Variants in RACGAP1 observed in about 807,000 individuals in gnomAD.
RACGAP1 encodes rac GTPase-activating protein 1.
A neutral mutation model predicts 78.1 loss-of-function variants in RACGAP1; 30 were observed. That is an observed-to-expected ratio of 0.38 (90% CI 0.29 to 0.52). The LOEUF (loss-of-function observed/expected upper bound fraction) is 0.52. RACGAP1 is among the 20% of genes least tolerant of loss of function. RACGAP1 has a pLI of 0.82. For missense variants in RACGAP1, 587 were observed against 777.1 expected, an observed-to-expected ratio of 0.76 and a Z score of 2.91; for synonymous variants, 231 against 264.8, an observed-to-expected ratio of 0.87 and a Z score of 1.24.
chr12:49,991,599 G>T (rs1947884788), intron 15 of RACGAP1, among the ~76,000 whole-genome samples: 1 of 142,772 alleles, frequency 7.0e-6, no homozygotes, highest in African/African-American at 2.6e-5. Context: ...GCAATTCCTT[G>T]TGCCTCAGCC....
chr12:50,028,377 C>T (rs1950299658), upstream of RACGAP1, among the ~76,000 whole-genome samples: 1 of 152,196 alleles, frequency 6.6e-6, no homozygotes, highest in Non-Finnish European at 1.5e-5. Context: ...CCACTTTTCT[C>T]CTTCCCCCTG....
In RACGAP1 at chr12:49,999,727, C is replaced by T. The variant is rs747929057; in HGVS notation, c.637G>A (p.Glu213Lys). ...SIGSAVDQGNESIVAKTTVTV... is the reference protein window; with the variant it reads ...SIGSAVDQGNKSIVAKTTVTV... Reference sequence around the variant, plus strand: ...ACTGTAGTTTTTGCAACTATGGATTCATTCCCCTGCAACAAAAGTAGTAAT... The same window carrying T: ...ACTGTAGTTTTTGCAACTATGGATTTATTCCCCTGCAACAAAAGTAGTAAT... The change falls in exon 8 of 17, where the codon GAA (glutamate) becomes AAA (lysine). Residue 213 changes from glutamate to lysine, a missense_variant. By Grantham distance (56) the Glu-to-Lys change is moderately conservative. Coordinates refer to ENST00000312377, the MANE Select transcript of RACGAP1 (RefSeq NM_001319999.2). 1.2e-6 allele frequency: 2 copies of T among 1,607,944 alleles called. No individual in the cohort carries two copies. Among genetic ancestry groups the T allele is most frequent in the Non-Finnish European group, 1.7e-6 (2 of 1,174,314 alleles).
exon 2 of RACGAP1, chr12:50,031,731 G>A: frequency 1.0e-6 from 1 of 985,386 alleles, no homozygotes; most frequent in African/African-American, 1.7e-5. Context: ...GCTGATGCCT[G>A]GGTCCGTGCC....
chr12:50,024,116 G>A (rs1592241678), intron 1 of RACGAP1, among the ~76,000 whole-genome samples: 2 of 151,808 alleles, frequency 1.3e-5, no homozygotes, highest in South Asian at 4.2e-4. Context: ...AGCCGAGATC[G>A]CGCCACTGCA....
intron 15 of RACGAP1, 134 bp downstream of exon 15, chr12:49,991,864 T>C: frequency 6.6e-7 from 1 of 1,514,206 alleles, no homozygotes; most frequent in Non-Finnish European, 8.7e-7. Context: ...AAAAAAAAAT[T>C]ACGATGGTAG....
In RACGAP1 at chr12:50,008,578, C is replaced by T. The variant is rs563907797; in HGVS notation, c.86-1942G>A. ...CACAATCTTGGCTCACCGCAACCTC[C>T]GCCTCCCAGGTTCAAGCAACTCTCC... On this transcript the variant is annotated intron_variant, in intron 2 of 16. Coordinates refer to ENST00000312377, the MANE Select transcript of RACGAP1 (RefSeq NM_001319999.2). Among the ~76,000 whole-genome samples, 7 of 152,134 alleles carry T rather than the reference C, an allele frequency of 4.6e-5. 1 individual carries two copies. In the South Asian group the frequency reaches 1.2e-3, roughly 27 times the overall value.
chr12:50,020,326 C>G (rs567015134), intron 1 of RACGAP1, among the ~76,000 whole-genome samples: 3 of 138,712 alleles, frequency 2.2e-5, no homozygotes, highest in African/African-American at 8.0e-5. Context: ...TACAGGTGCC[C>G]ACCACCAGGC....
chr12:49,999,595 T>G, intron 8 of RACGAP1, 21 bp downstream of exon 8: 1 of 1,594,926 alleles, frequency 6.3e-7, no homozygotes, highest in Non-Finnish European at 8.6e-7. Context: ...ACAGGCCAGT[T>G]TAGTCACAAA....
chr12:50,012,176 C>G (rs1290549336), intron 2 of RACGAP1, among the ~76,000 whole-genome samples: 2 of 152,052 alleles, frequency 1.3e-5, no homozygotes, highest in Non-Finnish European at 2.9e-5. Context: ...CCTGTAATCC[C>G]AGCACTTTGG....
intron 1 of RACGAP1, among the ~76,000 whole-genome samples, chr12:50,024,882 G>A (rs1441059436): frequency 2.0e-5 from 3 of 151,932 alleles, no homozygotes; most frequent in Non-Finnish European, 4.4e-5. Context: ...AGAAATGTAC[G>A]TGAAAGTGTA....
At chr12:49,993,862 GGTGAA>G (rs1303605097) in intron 12 of RACGAP1, among the ~76,000 whole-genome samples, 3 of 151,466 alleles carry the variant, frequency 2.0e-5, no homozygotes, top group African/African-American at 7.3e-5. Flanking sequence ...TGGCTAACAT[GGTGAA>G]ACCCCATCTC....
chr12:50,007,582 A>T (rs1310504695), intron 2 of RACGAP1, among the ~76,000 whole-genome samples: 1 of 152,236 alleles, frequency 6.6e-6, no homozygotes, highest in Non-Finnish European at 1.5e-5. Flanking sequence ...ATTCACACAC[A>T]GCTAGCAGAT....
At position 49,990,262 on chromosome 12, in the gene RACGAP1, G is replaced by A. The variant is rs764527191; in HGVS notation, c.*6C>T. ...CAATGCTGGGAAGTAACAGGCAGAT[G>A]TGACTTCACTTGAGCATTGGAGAAG... On this transcript the variant is annotated 3_prime_UTR_variant, in exon 17 of 17. Coordinates refer to ENST00000312377, the MANE Select transcript of RACGAP1 (RefSeq NM_001319999.2). 6.2e-7 allele frequency: 1 copy of A among 1,609,828 alleles called. No homozygotes were observed. Among genetic ancestry groups the A allele is most frequent in the East Asian group, 2.2e-5 (1 of 44,860 alleles).
In RACGAP1 at chr12:50,006,469, G is replaced by C; in HGVS notation, c.253C>G (p.Arg85Gly). The change falls in exon 3 of 17, where the codon CGG becomes GGG. Residue 85 changes from arginine (R) to glycine (G), a missense_variant. Transcript: ENST00000312377. ...CAGTCAGCCTCAGCTCTCTGTCTCCGTTTGATCTCTACATCCACCTGATTA... is the reference window on the plus strand; with the variant it reads ...CAGTCAGCCTCAGCTCTCTGTCTCCCTTTGATCTCTACATCCACCTGATTA... ...ARNQVDVEIK[R>G]RQRAEADCEK... is the part of the protein sequence containing the mutation. 6.2e-7 allele frequency: 1 copy of C among 1,614,112 alleles called. No homozygotes were observed. Among genetic ancestry groups the C allele is most frequent in the Non-Finnish European group, 8.5e-7 (1 of 1,180,028 alleles).
At chr12:50,004,158 G>A (rs147187127) in intron 5 of RACGAP1, 77 bp downstream of exon 5, 2 of 1,529,656 alleles carry the variant, frequency 1.3e-6, no homozygotes, top group Non-Finnish European at 1.8e-6. Context: ...ATGTTCAGAA[G>A]AGAAGACAGG....
intron 2 of RACGAP1, among the ~76,000 whole-genome samples, chr12:50,012,070 G>A (rs988907952): frequency 3.9e-5 from 6 of 151,960 alleles, no homozygotes; most frequent in African/African-American, 1.5e-4. Flanking sequence ...CAACGCTGCA[G>A]TAAGCTATGA....
upstream of RACGAP1, among the ~76,000 whole-genome samples, chr12:50,028,435 G>A (rs1950300399): frequency 6.6e-6 from 1 of 152,154 alleles, no homozygotes; most frequent in Non-Finnish European, 1.5e-5. Context: ...GAAACTGTTT[G>A]CCCTCCCTTG....
intron 15 of RACGAP1, 140 bp from the exon 16 acceptor site, chr12:49,990,932 G>A (rs1947796705): frequency 1.6e-6 from 1 of 621,692 alleles, no homozygotes; most frequent in Non-Finnish European, 2.9e-6. Context: ...GATCATTTTT[G>A]TCATCATTCT....
intron 2 of RACGAP1, among the ~76,000 whole-genome samples, chr12:50,015,883 GAAT>G (rs1949645116): frequency 6.6e-6 from 1 of 150,870 alleles, no homozygotes; most frequent in South Asian, 2.1e-4. Flanking sequence ...CTGGGTGACA[GAAT>G]GAGATTCTTA....
Sources: allele counts gnomAD v4.1 joint callset (sites outside exome capture counted in the v4.1 genomes callset), GRCh38; gene constraint gnomAD v4.1.1; transcripts MANE v1.5; gene names NCBI Gene and HGNC (gene_info 2026-07-23, HGNC 2026-07-21).